The following HEATR5A variants were observed in gnomAD, a reference collection of about 807,000 sequenced individuals.
The protein encoded by HEATR5A is HEAT repeat-containing protein 5A.
HEATR5A carries 178 observed loss-of-function variants against 218.8 expected under a neutral mutation model. The ratio of observed to expected loss-of-function variants is 0.81; its 90% CI spans 0.72 to 0.92. The LOEUF (loss-of-function observed/expected upper bound fraction) is 0.92, where lower values mean the gene tolerates loss of function less well. Among genes scored for constraint, HEATR5A ranks in the 40% least tolerant of loss-of-function variants. The pLI is 0.00. For missense variants in HEATR5A, 2,420 were observed against 2,418.9 expected (o/e 1.00, Z -0.01); for synonymous variants, 864 against 871.6 (o/e 0.99, Z 0.15).
intron 14 of HEATR5A, among the ~76,000 whole-genome samples, chr14:31,363,593 G>A (rs550690938): frequency 1.3e-5 from 2 of 152,244 alleles, no homozygotes; most frequent in East Asian, 3.9e-4. Context: ...TAAGAAAAAT[G>A]TAACTAGCTC....
Position 31,394,237 on chromosome 14 carries a change from G to A in HEATR5A, c.598-11C>T, listed in dbSNP as rs2030562264. The A allele has an allele frequency of 3.5e-6, 5 of 1,422,172 alleles. No individual in the cohort carries two copies. The highest frequency in any genetic ancestry group is 5.3e-5 in the East Asian group (2 of 37,632). The allele number at this position is 1,422,172 out of a possible 1,614,324, so 88.1% of individuals were successfully genotyped here. A position where few individuals can be genotyped will look rare whatever the true frequency, so the allele number is the denominator to read the frequency against. On this transcript the variant is annotated splice_polypyrimidine_tract_variant and intron_variant, in intron 5 of 35. Coordinates refer to ENST00000543095, the MANE Select transcript of HEATR5A (RefSeq NM_015473.4). Reference sequence around the variant, plus strand: ...AAGTTCAAGGAGACACTATTCAATTGGACAAAGAGAAATTAATGAAAAATA... The same window carrying A: ...AAGTTCAAGGAGACACTATTCAATTAGACAAAGAGAAATTAATGAAAAATA...
At position 31,330,683 on chromosome 14, in the gene HEATR5A, C is replaced by T. The variant is rs183064656; in HGVS notation, c.3368-4341G>A. Reference sequence around the variant, plus strand: ...GCAGGTGCCTGTAGTCCCAGCTATTCGGGAGGCTGAGGCAGGAGAATAGCA... The same window carrying T: ...GCAGGTGCCTGTAGTCCCAGCTATTTGGGAGGCTGAGGCAGGAGAATAGCA... On this transcript the variant is annotated intron_variant, in intron 22 of 35. Coordinates refer to ENST00000543095, the MANE Select transcript of HEATR5A (RefSeq NM_015473.4). Among the ~76,000 whole-genome samples, 60 of 151,602 alleles carry T rather than the reference C, an allele frequency of 4.0e-4. No homozygotes were observed. In the East Asian group the frequency reaches 0.01, roughly 26 times the overall value.
intron 28 of HEATR5A, among the ~76,000 whole-genome samples, chr14:31,310,676 A>G (rs1308131784): frequency 6.6e-6 from 1 of 151,974 alleles, no homozygotes; most frequent in Non-Finnish European, 1.5e-5. Context: ...ATAAATAAAT[A>G]ATTTTTTTTC....
Position 31,396,072 on chromosome 14 carries a change from C to T in HEATR5A, c.448-724G>A, listed in dbSNP as rs74581313. On this transcript the variant is annotated intron_variant, in intron 4 of 35. Transcript: ENST00000543095. The stretch of plus-strand genomic sequence containing the variant: ...GTTAAAAGTCAAGAAATAGTAGCTG[C>T]TTGGCTGGGTGCGGTGGCTCACACC... Among the ~76,000 whole-genome samples the T allele has an allele frequency of 2.9e-3, 443 of 152,226 alleles. 12 individuals carry two copies. In the East Asian group the frequency reaches 0.064, roughly 22 times the overall value.
At chr14:31,412,297 A>AT (rs2031301389) in intron 1 of HEATR5A, among the ~76,000 whole-genome samples, 1 of 151,990 alleles carries the variant, frequency 6.6e-6, no homozygotes, top group African/African-American at 2.4e-5. Flanking sequence ...TCTCATAAAG[A>AT]TGTAAATAAA....
At position 31,293,587 on chromosome 14, in the gene HEATR5A, CAA is replaced by C. The variant is rs1228858367; in HGVS notation, c.5857_5858del (p.Leu1953AlafsTer10). The C allele has an allele frequency of 6.2e-7, 1 of 1,611,478 alleles. No individual in the cohort carries two copies. Among genetic ancestry groups the C allele is most frequent in the Non-Finnish European group, 8.5e-7 (1 of 1,179,084 alleles). On this transcript the variant is annotated frameshift_variant, in exon 36 of 36. Coordinates refer to ENST00000543095, the MANE Select transcript of HEATR5A (RefSeq NM_015473.4). LOFTEE classifies it high-confidence loss of function. ...CCAAAAGGAAGGAAATGAGGATGGG[CAA>C]AAGACAGGCCACCAGCTGAGCGCCT... Reference protein sequence around the residue: ...HHRAQLVACLLPILISFLLDE... With the variant: ...HHRAQLVACLXPILISFLLDE...
chr14:31,341,354 TGA>T (rs1900834288), intron 21 of HEATR5A, among the ~76,000 whole-genome samples: 1 of 151,812 alleles, frequency 6.6e-6, no homozygotes. Context: ...TACCCTTTTT[TGA>T]TTTGGGAAGG....
chr14:31,322,817 TAAAAAAAAA>T (rs376742735), intron 24 of HEATR5A, among the ~76,000 whole-genome samples: 1 of 101,142 alleles, frequency 9.9e-6, no homozygotes, highest in Non-Finnish European at 2.0e-5. Flanking sequence ...AAATGCTGTC[TAAAAAAAAA>T]AAAAAAAAAA....
Position 31,371,927 on chromosome 14 carries a change from CT to C in HEATR5A, c.1862-19del. The C allele has an allele frequency of 2.3e-6, 3 of 1,311,956 alleles. No individual in the cohort carries two copies. The highest frequency in any genetic ancestry group is 1.3e-5 in the South Asian group (1 of 74,734). The allele number at this position is 1,311,956 out of a possible 1,614,324, so 81.3% of individuals were successfully genotyped here. The stretch of plus-strand genomic sequence containing the variant: ...CTTGATAGCTGAAAAGGAAAACAGA[CT>C]TTTACTTGGGCATACTGTAATCAAC... On this transcript the variant is annotated intron_variant, in intron 12 of 35. Transcript: ENST00000543095.
At chr14:31,359,971 C>T (rs917342791) in intron 14 of HEATR5A, among the ~76,000 whole-genome samples, 1 of 151,574 alleles carries the variant, frequency 6.6e-6, no homozygotes, top group African/African-American at 2.4e-5. Flanking sequence ...TCATTTCATC[C>T]ATAAATATTT....
intron 27 of HEATR5A, among the ~76,000 whole-genome samples, chr14:31,313,753 G>A (rs1331970996): frequency 6.6e-6 from 1 of 152,138 alleles, no homozygotes; most frequent in Admixed American, 6.6e-5. Flanking sequence ...GAACTTATGT[G>A]AGGCCATTTA....
At chr14:31,327,759 C>CAT (rs1039926448) in intron 22 of HEATR5A, among the ~76,000 whole-genome samples, 7 of 152,112 alleles carry the variant, frequency 4.6e-5, no homozygotes, top group African/African-American at 1.7e-4. Context: ...ACTGAATAAA[C>CAT]ATATATCACT....
intron 13 of HEATR5A, among the ~76,000 whole-genome samples, chr14:31,367,819 A>T (rs1158434259): frequency 6.6e-6 from 1 of 152,098 alleles, no homozygotes; most frequent in Admixed American, 6.6e-5. Flanking sequence ...AAAATTTATT[A>T]TAAAGATAAC....
At position 31,343,884 on chromosome 14, in the gene HEATR5A, T is replaced by C. The variant is rs571959991; in HGVS notation, c.3228+12A>G. Reference sequence around the variant, plus strand: ...AAAGAAACTAAGAGCTCGTTTACAATTCTATACTCACACAGAGGCAGCTAA... The same window carrying C: ...AAAGAAACTAAGAGCTCGTTTACAACTCTATACTCACACAGAGGCAGCTAA... On this transcript the variant is annotated intron_variant, in intron 21 of 35. Transcript: ENST00000543095. 12 of 1,568,314 alleles carry C rather than the reference T, an allele frequency of 7.7e-6. No homozygotes were observed. The South Asian group carries it at 1.3e-4, about 17-fold the overall frequency.
Position 31,293,073 on chromosome 14 carries a change from A to T in HEATR5A, c.*232T>A. 1 of 416,988 alleles carries T rather than the reference A, an allele frequency of 2.4e-6. No homozygotes were observed. Among genetic ancestry groups the T allele is most frequent in the East Asian group, 3.9e-5 (1 of 25,912 alleles). 25.8% of individuals were successfully genotyped at this position (416,988 alleles called of 1,614,324 possible). ...TTAGCACTTTCTTAAAATTCCTGGC[A>T]AGTTAGCTCCATTGTCTTTTTAAAT... On this transcript the variant is annotated 3_prime_UTR_variant, in exon 36 of 36. Transcript: ENST00000543095.
chr14:31,365,423 C>T (rs536386078), intron 13 of HEATR5A, among the ~76,000 whole-genome samples: 37 of 147,816 alleles, frequency 2.5e-4, no homozygotes, highest in South Asian at 6.5e-4. Context: ...TGCAGTGACG[C>T]GATCTTGGCT....
Position 31,387,106 on chromosome 14 carries a change from G to GT in HEATR5A, c.1189+13dup. Reference sequence around the variant, plus strand: ...TAGCACTGTTAAACAAACTGTCTTAGTAGAGATCCATACCCATAACTTTCT... The same window carrying GT: ...TAGCACTGTTAAACAAACTGTCTTAGTTAGAGATCCATACCCATAACTTTCT... On this transcript the variant is annotated intron_variant, in intron 8 of 35. Transcript: ENST00000543095. The GT allele has an allele frequency of 6.2e-7, 1 of 1,613,536 alleles. No individual in the cohort carries two copies. Among genetic ancestry groups the GT allele is most frequent in the East Asian group, 2.2e-5 (1 of 44,886 alleles).
At chr14:31,319,157 T>G (rs1359813039) in intron 25 of HEATR5A, among the ~76,000 whole-genome samples, 1 of 152,168 alleles carries the variant, frequency 6.6e-6, no homozygotes, top group Non-Finnish European at 1.5e-5. Context: ...ATAGTTCTTT[T>G]TTTTCTTTTT....
chr14:31,348,109 T>A (rs950256135), intron 18 of HEATR5A, among the ~76,000 whole-genome samples: 1 of 152,208 alleles, frequency 6.6e-6, no homozygotes, highest in Non-Finnish European at 1.5e-5. Flanking sequence ...AATCAAAATG[T>A]CCTCATATTA....
Sources: gnomAD v4.1 joint callset for allele counts (sites outside exome capture counted in the v4.1 genomes callset) on GRCh38, gnomAD v4.1.1 for gene constraint, MANE v1.5 for transcripts, NCBI Gene and HGNC (gene_info 2026-07-23, HGNC 2026-07-21) for gene names.